The following ABCA9 variants were observed in gnomAD, a reference collection of about 807,000 sequenced individuals.
ABCA9 encodes the protein ATP binding cassette subfamily A member 9.
ABCA9 carries 183 observed loss-of-function variants against 205.3 expected under a neutral mutation model. The ratio of observed to expected loss-of-function variants is 0.89; its 90% CI spans 0.79 to 1.01. The LOEUF is 1.01. Among genes scored for constraint, ABCA9 ranks in the 50% least tolerant of loss-of-function variants. ABCA9 has a pLI of 0.00. For synonymous variants in ABCA9, 651 were observed against 683.3 expected (o/e 0.95, Z 0.74); for missense variants, 1,805 against 1,912.4 (o/e 0.94, Z 1.05).
intron 25 of ABCA9, among the ~76,000 whole-genome samples, chr17:69,002,754 GTC>G (rs1205473709): frequency 7.0e-6 from 1 of 143,070 alleles, no homozygotes; most frequent in African/African-American, 2.6e-5. Context: ...GGGAGTCTAA[GTC>G]TCTTTGTAGG....
At chr17:69,063,107 G>A (rs988179343), upstream of ABCA9, among the ~76,000 whole-genome samples, 4 of 152,194 alleles carry the variant, frequency 2.6e-5, no homozygotes, top group African/African-American at 9.6e-5. Flanking sequence ...CGGAAACTGA[G>A]TTAAAACTCA....
intron 37 of ABCA9, 96 bp downstream of exon 37, chr17:68,982,466 A>C (rs545255114): frequency 2.1e-6 from 2 of 941,264 alleles, no homozygotes; most frequent in South Asian, 2.8e-5. Context: ...ATATAACAGC[A>C]TAATTCTATG....
chr17:69,077,914 G>A, the ABCA9 span, among the ~76,000 whole-genome samples: 2 of 151,474 alleles, frequency 1.3e-5, no homozygotes, highest in African/African-American at 2.4e-5. Flanking sequence ...AAAGATATGT[G>A]GAAAATATAT....
upstream of ABCA9, among the ~76,000 whole-genome samples, chr17:69,064,146 T>C (rs980012558): frequency 6.6e-6 from 1 of 152,244 alleles, no homozygotes; most frequent in African/African-American, 2.4e-5. Flanking sequence ...CCAATCCTTT[T>C]CTTCCAGTCA....
chr17:68,989,724 G>C (rs907427615), intron 30 of ABCA9, 89 bp downstream of exon 30: 1 of 796,214 alleles, frequency 1.3e-6, no homozygotes, highest in East Asian at 2.5e-5. Context: ...TTTGTCAATA[G>C]ATGTCCCCAG....
At chr17:69,051,278 TA>T (rs2071892976) in intron 1 of ABCA9, 139 bp from the exon 2 acceptor site, 1 of 650,812 alleles carries the variant, frequency 1.5e-6, no homozygotes, top group African/African-American at 1.8e-5. Flanking sequence ...AAGGCTAAAA[TA>T]AAAACATGTG....
chr17:68,997,139 T>A (rs1010496105), intron 25 of ABCA9, among the ~76,000 whole-genome samples: 10 of 152,132 alleles, frequency 6.6e-5, no homozygotes, highest in African/African-American at 2.4e-4. Context: ...CCAAGTTGGC[T>A]AGGCTGGTCT....
chr17:68,992,285 A>G lies in ABCA9; in HGVS notation c.3625-19T>C, dbSNP rs1598341375. The G allele has an allele frequency of 7.0e-7, 1 of 1,425,662 alleles. No homozygotes were observed. Among genetic ancestry groups the G allele is most frequent in the Non-Finnish European group, 9.7e-7 (1 of 1,029,502 alleles). The allele number at this position is 1,425,662 out of a possible 1,614,324, so 88.3% of individuals were successfully genotyped here. On this transcript the variant is annotated intron_variant, in intron 27 of 38. Coordinates refer to ENST00000340001, the MANE Select transcript of ABCA9 (RefSeq NM_080283.4). ...GGTAAGGCTAGGGAAAAAGAAAGAC[A>G]ATCACAATTAGTATCACTATAAATG...
intron 30 of ABCA9, among the ~76,000 whole-genome samples, chr17:68,989,537 T>C (rs1158732590): frequency 6.6e-6 from 1 of 152,142 alleles, no homozygotes. Flanking sequence ...TGCAATAACA[T>C]TGTTACCTAA....
At chr17:69,030,647 C>T (rs529441605) in intron 10 of ABCA9, among the ~76,000 whole-genome samples, 42 of 152,270 alleles carry the variant, frequency 2.8e-4, no homozygotes, top group African/African-American at 9.6e-4. Flanking sequence ...TTTTAAACTT[C>T]GTAGCCTTGG....
intron 9 of ABCA9, 49 bp downstream of exon 9, chr17:69,033,677 A>G: frequency 4.7e-6 from 7 of 1,497,450 alleles, no homozygotes; most frequent in Non-Finnish European, 6.4e-6. Context: ...TGTTTTAAAG[A>G]CATGCAATTA....
chr17:69,012,930 T>TTTAA (rs2070437651), intron 22 of ABCA9, among the ~76,000 whole-genome samples: 1 of 152,150 alleles, frequency 6.6e-6, no homozygotes, highest in Admixed American at 6.6e-5. Flanking sequence ...GTTCAACTGT[T>TTTAA]TTAATTTTCA....
At chr17:69,075,717 C>T in the ABCA9 span, among the ~76,000 whole-genome samples, 2 of 151,750 alleles carry the variant, frequency 1.3e-5, no homozygotes, top group African/African-American at 4.8e-5. Context: ...TTGTTTCGGC[C>T]ATTCAGGCTT....
chr17:69,047,681 T>A (rs2071764027), intron 3 of ABCA9, among the ~76,000 whole-genome samples: 1 of 152,182 alleles, frequency 6.6e-6, no homozygotes, highest in African/African-American at 2.4e-5. Flanking sequence ...TTGCAAGGAT[T>A]TTGTAAGTTC....
intron 16 of ABCA9, among the ~76,000 whole-genome samples, chr17:69,025,963 G>A (rs951052057): frequency 2.6e-5 from 4 of 151,828 alleles, no homozygotes; most frequent in Admixed American, 6.6e-5. Flanking sequence ...ACTCAGTAAT[G>A]ATAATAATTA....
intron 6 of ABCA9, among the ~76,000 whole-genome samples, chr17:69,036,491 GT>G: frequency 6.6e-6 from 1 of 152,148 alleles, no homozygotes; most frequent in East Asian, 1.9e-4. Flanking sequence ...GAGGGATTTT[GT>G]CACCACCAGG....
In ABCA9 at chr17:68,993,094, G is replaced by T. The variant is rs2159435; in HGVS notation, c.3556-10C>A. The T allele has an allele frequency of 6.2e-7, 1 of 1,609,938 alleles. No homozygotes were observed. The highest frequency in any genetic ancestry group is 1.3e-5 in the African/African-American group (1 of 74,930). On this transcript the variant is annotated splice_polypyrimidine_tract_variant and intron_variant, in intron 26 of 38. Coordinates refer to ENST00000340001, the MANE Select transcript of ABCA9 (RefSeq NM_080283.4). ...TGGAATCAGGAGAAATCTGTAAAAT[G>T]AGCAGTAAGTGTATTCAGGTGAACC... is the stretch of plus-strand genomic sequence containing the variant.
intron 2 of ABCA9, 44 bp downstream of exon 2, chr17:69,050,987 T>G (rs1230619928): frequency 1.9e-6 from 3 of 1,567,324 alleles, no homozygotes; most frequent in Non-Finnish European, 1.7e-6. Context: ...ATAAAATACT[T>G]TTTCATCCTC....
intron 35 of ABCA9, 28 bp from the exon 36 acceptor site, chr17:68,983,877 GCAA>G: frequency 1.2e-6 from 2 of 1,613,834 alleles, no homozygotes; most frequent in Non-Finnish European, 1.7e-6. Flanking sequence ...ATAAAGTCAA[GCAA>G]GAAAAGAGAA....
Sources: allele counts gnomAD v4.1 joint callset (sites outside exome capture counted in the v4.1 genomes callset), GRCh38; gene constraint gnomAD v4.1.1; transcripts MANE v1.5; gene names NCBI Gene and HGNC (gene_info 2026-07-23, HGNC 2026-07-21).